FIGNL2: variants seen among roughly 807,000 people sequenced by gnomAD.
FIGNL2 encodes fidgetin-like protein 2.
For missense variants in FIGNL2, 1,060 were observed against 950.2 expected (o/e 1.12, Z -1.52); for synonymous variants, 565 against 484.0 (o/e 1.17, Z -2.20).
At chr12:51,848,326 C>G (rs1458346224) in intron 1 of FIGNL2, 2 of 981,642 alleles carry the variant, frequency 2.0e-6, no homozygotes, top group African/African-American at 3.5e-5. Flanking sequence ...GCTCTGCCCG[C>G]CCCCTCCCCC....
chr12:51,828,982 C>T (rs947449212), intron 1 of FIGNL2, among the ~76,000 whole-genome samples: 3 of 152,198 alleles, frequency 2.0e-5, no homozygotes, highest in Non-Finnish European at 2.9e-5. Context: ...AGATTCCTTC[C>T]GGATCTTCCA....
chr12:51,830,059 G>C (rs1187040542), intron 1 of FIGNL2, among the ~76,000 whole-genome samples: 1 of 152,016 alleles, frequency 6.6e-6, no homozygotes, highest in African/African-American at 2.4e-5. Flanking sequence ...AAGGGTGAGG[G>C]AGGCGGATCA....
At position 51,820,779 on chromosome 12, in the gene FIGNL2, G is replaced by A. The variant is rs1268430384; in HGVS notation, c.1635C>T (p.Thr545=). The A allele has an allele frequency of 2.7e-6, 4 of 1,481,530 alleles. No homozygotes were observed. Among genetic ancestry groups the A allele is most frequent in the South Asian group, 2.6e-5 (2 of 78,414 alleles). 91.8% of individuals were successfully genotyped at this position (1,481,530 alleles called of 1,614,324 possible). Residue 545 remains threonine, a synonymous_variant, in exon 2 of 2, where the codon ACC becomes ACT. Coordinates refer to ENST00000618634, the MANE Select transcript of FIGNL2 (RefSeq NM_001384995.1). ...TSRPAALDEA[T]RRRFSLRFYV... is the part of the protein sequence containing the mutation. Reference sequence around the variant, plus strand: ...AGAAGCGGAGAGAGAAGCGCCGGCGGGTCGCCTCGTCCAGAGCCGCGGGCC... The same window carrying A: ...AGAAGCGGAGAGAGAAGCGCCGGCGAGTCGCCTCGTCCAGAGCCGCGGGCC...
intron 1 of FIGNL2, among the ~76,000 whole-genome samples, chr12:51,839,415 A>G (rs1939626370): frequency 6.6e-6 from 1 of 152,070 alleles, no homozygotes; most frequent in Admixed American, 6.5e-5. Flanking sequence ...TCTCTCTAAA[A>G]CAACCCACAG....
rs1403950916 is a variant in FIGNL2 at position 51,821,788 on chromosome 12, C to T, written c.626G>A (p.Gly209Asp). 8.6e-6 allele frequency: 11 copies of T among 1,276,666 alleles called. No individual in the cohort carries two copies. Among genetic ancestry groups the T allele is most frequent in the African/African-American group, 6.3e-5 (4 of 63,928 alleles). 79.1% of individuals were successfully genotyped at this position (1,276,666 alleles called of 1,614,324 possible). A position where few individuals can be genotyped will look rare whatever the true frequency, so the allele number is the denominator to read the frequency against. Residue 209 changes from glycine to aspartate, a missense_variant, in exon 2 of 2, where the codon GGC (glycine) becomes GAC (aspartate). Coordinates refer to ENST00000618634, the MANE Select transcript of FIGNL2 (RefSeq NM_001384995.1). Reference sequence around the variant, plus strand: ...GCCATAGCCGGGCTGCGCTGCGTAGCCCCCTGCGGGATAGTTGTACAGCGG... The same window carrying T: ...GCCATAGCCGGGCTGCGCTGCGTAGTCCCCTGCGGGATAGTTGTACAGCGG... ...SAPLYNYPAG[G>D]YAAQPGYGAL...
chr12:51,833,047 T>C (rs115953453), intron 1 of FIGNL2, among the ~76,000 whole-genome samples: 2,052 of 152,146 alleles, frequency 0.013, 54 homozygotes, highest in African/African-American at 0.048. Context: ...CTCTCTCTCT[T>C]TTTTTTGTTT....
chr12:51,834,015 G>A (rs1939524677), intron 1 of FIGNL2, among the ~76,000 whole-genome samples: 3 of 138,454 alleles, frequency 2.2e-5, no homozygotes, highest in East Asian at 2.3e-4. Context: ...ACAGACAAAT[G>A]GACGGATGGA....
chr12:51,841,109 G>T (rs1196022623), intron 1 of FIGNL2, among the ~76,000 whole-genome samples: 1 of 152,196 alleles, frequency 6.6e-6, no homozygotes, highest in Non-Finnish European at 1.5e-5. Flanking sequence ...CAGCCCTGGG[G>T]GGGCTGAGCC....
intron 1 of FIGNL2, among the ~76,000 whole-genome samples, chr12:51,836,871 C>G: frequency 6.6e-6 from 1 of 152,104 alleles, no homozygotes; most frequent in Non-Finnish European, 1.5e-5. Context: ...CCAGCCCCCT[C>G]CTCCCCTCAC....
At chr12:51,844,643 G>C (rs1939713582) in intron 1 of FIGNL2, 1 of 948,152 alleles carries the variant, frequency 1.1e-6, no homozygotes, top group Admixed American at 6.2e-5. Context: ...TTTAACAAGT[G>C]TGTGGAAGCG....
chr12:51,827,118 C>T lies in FIGNL2; in HGVS notation c.-11-4694G>A, dbSNP rs79436360. On this transcript the variant is annotated intron_variant, in intron 1 of 1. Coordinates refer to ENST00000618634, the MANE Select transcript of FIGNL2 (RefSeq NM_001384995.1). Reference sequence around the variant, plus strand: ...GCCAGTTACAGCCCTCTTGCTCTGACACAGAGACCCTGGGCCTGCTGCCAG... The same window carrying T: ...GCCAGTTACAGCCCTCTTGCTCTGATACAGAGACCCTGGGCCTGCTGCCAG... 0.021 allele frequency among the ~76,000 whole-genome samples: 3,128 copies of T among 152,340 alleles called. 270 individuals carry two copies. In the East Asian group the frequency reaches 0.27, roughly 13 times the overall value.
In FIGNL2 at chr12:51,822,104, G is replaced by A; in HGVS notation, c.310C>T (p.Pro104Ser). ...GDPEPWPGPEPPYPLASLHEG... is the reference protein window; with the variant it reads ...GDPEPWPGPESPYPLASLHEG... Reference sequence around the variant, plus strand: ...TGGAGTGAGGCCAAGGGGTAGGGTGGCTCCGGCCCTGGCCAGGGCTCGGGA... The same window carrying A: ...TGGAGTGAGGCCAAGGGGTAGGGTGACTCCGGCCCTGGCCAGGGCTCGGGA... The change falls in exon 2 of 2, where the codon CCA (proline) becomes TCA (serine). Residue 104 changes from proline to serine, a missense_variant. Pro to Ser is a moderately conservative substitution (Grantham distance 74). Transcript: ENST00000618634. 1 of 1,610,984 alleles carries A rather than the reference G, an allele frequency of 6.2e-7. No homozygotes were observed.
chr12:51,830,602 T>A (rs372674542), intron 1 of FIGNL2, among the ~76,000 whole-genome samples: 1 of 149,368 alleles, frequency 6.7e-6, no homozygotes, highest in South Asian at 2.3e-4. Context: ...AGTGATTCTC[T>A]TGCCTCAGCC....
chr12:51,834,018 C>CAGACGGATGGGT (rs1939525113), intron 1 of FIGNL2, among the ~76,000 whole-genome samples: 2 of 100,042 alleles, frequency 2.0e-5, no homozygotes, highest in Non-Finnish European at 2.3e-5. Flanking sequence ...GACAAATGGA[C>CAGACGGATGGGT]GGATGGATGG....
rs182806571 is a variant in FIGNL2 at position 51,829,273 on chromosome 12, G to A, written c.-11-6849C>T. On this transcript the variant is annotated intron_variant, in intron 1 of 1. Transcript: ENST00000618634. ...GCCTTTTGTCCCAGGCTTTTTGTCT[G>A]CTGCTTACAACGGGTGCCCCAGGGG... Among the ~76,000 whole-genome samples the A allele has an allele frequency of 3.8e-3, 581 of 152,332 alleles. 2 individuals carry two copies. Among genetic ancestry groups the A allele is most frequent in the African/African-American group, 0.013 (539 of 41,568 alleles).
Position 51,821,693 on chromosome 12 carries a change from G to GGGGCGT in FIGNL2, c.715_720dup (p.Thr239_Pro240dup). 4 of 1,362,558 alleles carry GGGGCGT rather than the reference G, an allele frequency of 2.9e-6. No homozygotes were observed. The highest frequency in any genetic ancestry group is 3.8e-6 in the Non-Finnish European group (4 of 1,066,522). 84.4% of individuals were successfully genotyped at this position (1,362,558 alleles called of 1,614,324 possible). A position where few individuals can be genotyped will look rare whatever the true frequency, so the allele number is the denominator to read the frequency against. On this transcript the variant is annotated inframe_insertion, in exon 2 of 2. Coordinates refer to ENST00000618634, the MANE Select transcript of FIGNL2 (RefSeq NM_001384995.1). ...GCGGTGGGCGGTGCCGGCGCGGGCAGGGGCGTGGGCGCGGGCAGGCCCGGG... is the reference window on the plus strand; with the variant it reads ...GCGGTGGGCGGTGCCGGCGCGGGCAGGGGCGTGGGCGTGGGCGCGGGCAGGCCCGGG...
At chr12:51,845,629 C>G in intron 1 of FIGNL2, 1 of 985,388 alleles carries the variant, frequency 1.0e-6, no homozygotes, top group Non-Finnish European at 1.2e-6. Flanking sequence ...TCGATAACCG[C>G]CAAGTCCAGG....
Position 51,822,462 on chromosome 12 carries a change from C to T in FIGNL2, c.-11-38G>A, listed in dbSNP as rs376404550. 1,700 of 1,606,330 alleles carry T rather than the reference C, an allele frequency of 1.1e-3. 3 individuals carry two copies. Among genetic ancestry groups the T allele is most frequent in the Non-Finnish European group, 1.4e-3 (1,643 of 1,177,226 alleles). On this transcript the variant is annotated intron_variant, in intron 1 of 1. Transcript: ENST00000618634. ...GACAGGAGGTCTGGTGAGGTCTAGC[C>T]ACCGAGGACCCAGTGGGCCACTGCT...
At chr12:51,826,222 CTT>C (rs2138979607) in intron 1 of FIGNL2, among the ~76,000 whole-genome samples, 1 of 152,294 alleles carries the variant, frequency 6.6e-6, no homozygotes, top group East Asian at 1.9e-4. Flanking sequence ...AATGACCTCT[CTT>C]GACCCTGGGT....
Sources: gnomAD v4.1 joint callset for allele counts (sites outside exome capture counted in the v4.1 genomes callset) on GRCh38, gnomAD v4.1.1 for gene constraint, MANE v1.5 for transcripts, NCBI Gene and HGNC (gene_info 2026-07-23, HGNC 2026-07-21) for gene names.